The following SDK2 variants were observed in gnomAD, a reference collection of about 807,000 sequenced individuals.
The protein encoded by SDK2 is protein sidekick-2.
In SDK2, 105 loss-of-function variants were observed where a neutral mutation model predicts 253.9. The ratio of observed to expected loss-of-function variants is 0.41; its 90% CI spans 0.35 to 0.49. The LOEUF (loss-of-function observed/expected upper bound fraction) is 0.49. Ranked by LOEUF, SDK2 falls within the 20% of genes least tolerant of loss-of-function variation. The pLI, the probability that SDK2 is intolerant of heterozygous loss-of-function variation, is 0.06. For synonymous variants in SDK2, 1,249 were observed against 1,234.9 expected (o/e 1.01, Z -0.24); for missense variants, 2,608 against 3,003.0 (o/e 0.87, Z 3.07).
At chr17:73,381,893 CAAAAAACAAAA>C (rs1401437965) in intron 33 of SDK2, among the ~76,000 whole-genome samples, 1 of 147,568 alleles carries the variant, frequency 6.8e-6, no homozygotes, top group Non-Finnish European at 1.5e-5. Flanking sequence ...GACTCTGTCT[CAAAAAACAAAA>C]AACAAAAAAA....
intron 3 of SDK2, among the ~76,000 whole-genome samples, chr17:73,458,669 G>A (rs778942014): frequency 1.3e-5 from 2 of 152,106 alleles, no homozygotes; most frequent in East Asian, 1.9e-4. Flanking sequence ...AGGGCCCTCC[G>A]TCACCTCCTT....
At position 73,443,324 on chromosome 17, in the gene SDK2, C is replaced by T. The variant is rs1241585145; in HGVS notation, c.614-2401G>A. Among the ~76,000 whole-genome samples the T allele has an allele frequency of 6.6e-6, 1 of 152,176 alleles. No homozygotes were observed. The highest frequency in any genetic ancestry group is 1.5e-5 in the Non-Finnish European group (1 of 68,022). ...AGCATATAAAGCAAAATAATTGCAA[C>T]AATATAAAAGCCTCATGTAGGTGCC... On this transcript the variant is annotated intron_variant, in intron 5 of 44. Transcript: ENST00000392650. The surrounding 1 kb of genome is among the most constrained non-coding windows in gnomAD (Gnocchi z 4.6).
At position 73,431,067 on chromosome 17, in the gene SDK2, C is replaced by A. The variant is rs1471623646; in HGVS notation, c.1480+435G>T. 6.6e-6 allele frequency among the ~76,000 whole-genome samples: 1 copy of A among 152,214 alleles called. No homozygotes were observed. The highest frequency in any genetic ancestry group is 1.5e-5 in the Non-Finnish European group (1 of 68,044). On this transcript the variant is annotated intron_variant, in intron 11 of 44. Coordinates refer to ENST00000392650, the MANE Select transcript of SDK2 (RefSeq NM_001144952.2). The surrounding 1 kb of genome is among the most constrained non-coding windows in gnomAD (Gnocchi z 5.6). ...GGTGGCCTTTTTGGCTAAATAAACC[C>A]TTACTGGAACATAGCCACGCCCATT...
chr17:73,428,617 C>A (rs973829919), intron 12 of SDK2, among the ~76,000 whole-genome samples: 5 of 152,180 alleles, frequency 3.3e-5, no homozygotes, highest in African/African-American at 1.2e-4. Context: ...CTTAGGGAAC[C>A]CTGCTGTGTT....
At chr17:73,585,960 T>C (rs1218459249) in intron 1 of SDK2, among the ~76,000 whole-genome samples, 1 of 152,090 alleles carries the variant, frequency 6.6e-6, no homozygotes, top group African/African-American at 2.4e-5. Flanking sequence ...CTAGGAAATA[T>C]ATATATAGGA....
chr17:73,437,758 G>A lies in SDK2; in HGVS notation c.981C>T (p.Asp327=). ...CATTACCTTTGGCCTGACAGGGGAT[G>A]TCCACCACCTTCTCCATCTCCGCAG... ...HITAEMEKVV[D]IPCQAKGVPP... is the part of the protein sequence containing the mutation. The change falls in exon 8 of 45, where the codon GAC becomes GAT. Residue 327 remains aspartate, a synonymous_variant. Coordinates refer to ENST00000392650, the MANE Select transcript of SDK2 (RefSeq NM_001144952.2). The A allele has an allele frequency of 6.2e-7, 1 of 1,613,974 alleles. No homozygotes were observed.
intron 1 of SDK2, among the ~76,000 whole-genome samples, chr17:73,537,628 G>A (rs1175324295): frequency 6.6e-6 from 1 of 152,040 alleles, no homozygotes; most frequent in Non-Finnish European, 1.5e-5. Flanking sequence ...AAAGCAGACC[G>A]AAGCCTGTGT....
At chr17:73,366,944 G>A (rs1325094988) in intron 37 of SDK2, among the ~76,000 whole-genome samples, 1 of 152,150 alleles carries the variant, frequency 6.6e-6, no homozygotes, top group African/African-American at 2.4e-5. Context: ...TTCTCTAAAT[G>A]TAAACCAGAC....
chr17:73,400,677 G>A (rs1472428342), intron 21 of SDK2, among the ~76,000 whole-genome samples: 1 of 151,078 alleles, frequency 6.6e-6, no homozygotes, highest in Admixed American at 6.6e-5. Flanking sequence ...TTTTTGAGAC[G>A]CGATGTGGCC....
chr17:73,473,379 C>T (rs1425593133), intron 2 of SDK2, among the ~76,000 whole-genome samples: 3 of 152,192 alleles, frequency 2.0e-5, no homozygotes, highest in Admixed American at 6.5e-5. Flanking sequence ...TTGGTGGTCA[C>T]CTTTCCCATC....
chr17:73,345,085 G>A (rs1248554603), intron 44 of SDK2, among the ~76,000 whole-genome samples: 1 of 152,188 alleles, frequency 6.6e-6, no homozygotes, highest in African/African-American at 2.4e-5. Flanking sequence ...TTGGGAGGCC[G>A]AGGTGGGCGG....
At chr17:73,488,488 A>G (rs1269908924) in intron 2 of SDK2, among the ~76,000 whole-genome samples, 2 of 152,144 alleles carry the variant, frequency 1.3e-5, no homozygotes, top group East Asian at 3.8e-4. Context: ...AATACAGAAA[A>G]TTGCACCCAG....
chr17:73,456,795 C>G (rs889733875), intron 3 of SDK2, among the ~76,000 whole-genome samples: 1 of 152,212 alleles, frequency 6.6e-6, no homozygotes, highest in South Asian at 2.1e-4. Context: ...CTTCAGCCAG[C>G]CTGCCGGCCT....
chr17:73,526,053 G>A (rs370760343), intron 1 of SDK2, among the ~76,000 whole-genome samples: 3 of 152,316 alleles, frequency 2.0e-5, no homozygotes, highest in South Asian at 2.1e-4. Context: ...TGGCTGCTGC[G>A]GAGGCACAGC....
intron 17 of SDK2, among the ~76,000 whole-genome samples, chr17:73,415,324 C>G (rs1444474814): frequency 2.0e-5 from 3 of 151,420 alleles, no homozygotes; most frequent in African/African-American, 4.9e-5. Context: ...TCCTCTGAGG[C>G]CATAGTCTCT....
chr17:73,357,596 C>T (rs747194708), intron 40 of SDK2: 3 of 274,944 alleles, frequency 1.1e-5, no homozygotes, highest in Non-Finnish European at 2.1e-5. Flanking sequence ...TTATCTGTCA[C>T]TCATCTCCTG....
chr17:73,401,491 T>C (rs2063025617), intron 20 of SDK2, among the ~76,000 whole-genome samples, 163 bp downstream of exon 20: 1 of 152,014 alleles, frequency 6.6e-6, no homozygotes, highest in Non-Finnish European at 1.5e-5. Flanking sequence ...TGGGATGTGT[T>C]ATGAAGTGGA....
At chr17:73,391,161 TTTACCAG>T (rs1457941032) in intron 28 of SDK2, among the ~76,000 whole-genome samples, 2 of 152,168 alleles carry the variant, frequency 1.3e-5, no homozygotes, top group East Asian at 3.9e-4. Context: ...GCGTCCGAGG[TTTACCAG>T]ATGGCCGGCA....
chr17:73,438,749 G>A lies in SDK2; in HGVS notation c.726-595C>T, dbSNP rs960843243. Among the ~76,000 whole-genome samples the A allele has an allele frequency of 2.6e-5, 4 of 152,104 alleles. No individual in the cohort carries two copies. The South Asian group carries it at 8.3e-4, about 32-fold the overall frequency. On this transcript the variant is annotated intron_variant, in intron 6 of 44. Transcript: ENST00000392650. ...CCAACCCCTGCACCCCCAAGCCCCC[G>A]AGACTTGGGTCTGTCCAGACACTCC...
Sources: gnomAD v4.1 joint callset for allele counts (sites outside exome capture counted in the v4.1 genomes callset) on GRCh38, gnomAD v4.1.1 for gene constraint, Gnocchi (gnomAD v3.1) non-coding constraint, MANE v1.5 for transcripts, NCBI Gene and HGNC (gene_info 2026-07-23, HGNC 2026-07-21) for gene names.